The following PCDH11X variants were observed in gnomAD, a reference collection of about 807,000 sequenced individuals.
PCDH11X encodes the protein protocadherin-11 X-linked.
A neutral mutation model predicts 53.3 loss-of-function variants in PCDH11X; 18 were observed. The observed-to-expected ratio is 0.34, with a 90% confidence interval of 0.23 to 0.50. The LOEUF (loss-of-function observed/expected upper bound fraction) is 0.50. Among genes scored for constraint, PCDH11X ranks in the 20% least tolerant of loss-of-function variants. PCDH11X has a pLI of 0.98. For missense variants in PCDH11X, 570 were observed against 1,032.4 expected (o/e 0.55, Z 6.14); for synonymous variants, 279 against 393.3 (o/e 0.71, Z 3.44).
intron 1 of PCDH11X, among the ~76,000 whole-genome samples, chrX:91,797,929 A>G (rs1935793282): frequency 8.9e-6 from 1 of 112,208 alleles, no homozygotes; most frequent in African/African-American, 3.2e-5. Context: ...CAAATGCAGT[A>G]CAAACAAAAA....
intron 6 of PCDH11X, among the ~76,000 whole-genome samples, chrX:91,974,430 G>A (rs1234970255): frequency 8.9e-6 from 1 of 111,824 alleles, no homozygotes; most frequent in African/African-American, 3.3e-5. Context: ...TGAGAAGGTA[G>A]AATATGGAGC....
chrX:91,871,902 T>A (rs1290933890), intron 5 of PCDH11X, among the ~76,000 whole-genome samples: 17 of 111,156 alleles, frequency 1.5e-4, no homozygotes, highest in Non-Finnish European at 2.7e-4. Context: ...ATGAAGGTTA[T>A]TAGGATGAGG....
chrX:92,167,796 A>G (rs906238818), intron 6 of PCDH11X, among the ~76,000 whole-genome samples: 1 of 111,589 alleles, frequency 9.0e-6, no homozygotes, highest in Non-Finnish European at 1.9e-5. Context: ...TCAACATTAT[A>G]AATGTATTTT....
At chrX:92,418,379 G>C (rs2071870104) in intron 9 of PCDH11X, among the ~76,000 whole-genome samples, 1 of 110,938 alleles carries the variant, frequency 9.0e-6, no homozygotes, top group South Asian at 3.8e-4. Flanking sequence ...GGCAACAGCA[G>C]ATATTCTTGA....
chrX:92,496,551 T>G (rs1412578309), intron 10 of PCDH11X, among the ~76,000 whole-genome samples: 2 of 102,626 alleles, frequency 1.9e-5, no homozygotes, highest in Non-Finnish European at 3.9e-5. Context: ...GAGATGTATA[T>G]CCTTTGACTT....
chrX:92,124,746 T>C (rs1033780683), intron 6 of PCDH11X, among the ~76,000 whole-genome samples: 1 of 110,290 alleles, frequency 9.1e-6, no homozygotes, highest in African/African-American at 3.3e-5. Context: ...TTTTTCATGT[T>C]GTAAAACAAT....
intron 7 of PCDH11X, among the ~76,000 whole-genome samples, chrX:92,233,984 G>T (rs2067127217): frequency 1.8e-5 from 2 of 111,799 alleles, no homozygotes; most frequent in Admixed American, 9.6e-5. Flanking sequence ...TTAGCAGCTT[G>T]ACTTTCACAG....
At chrX:91,997,339 T>C (rs920868806) in intron 6 of PCDH11X, among the ~76,000 whole-genome samples, 2 of 111,244 alleles carry the variant, frequency 1.8e-5, no homozygotes, top group Non-Finnish European at 3.8e-5. Context: ...AATAGAATGT[T>C]AGCTGTGGGT....
rs969618648 is a variant in PCDH11X, at chrX:92,558,415, A to G, written c.3368-59849A>G. 5.4e-5 allele frequency among the ~76,000 whole-genome samples: 6 copies of G among 111,788 alleles called. 1 individual carries two copies. The highest frequency in any genetic ancestry group is 2.0e-4 in the African/African-American group (6 of 30,724). ...TACTAATAGCATAATATAAAAGAAT[A>G]TATCAAATAATGTTTAAACTCTCTG... On this transcript the variant is annotated intron_variant, in intron 10 of 10. Coordinates refer to ENST00000682573, the MANE Select transcript of PCDH11X (RefSeq NM_032968.5).
chrX:92,103,147 C>T (rs993514673), intron 6 of PCDH11X, among the ~76,000 whole-genome samples: 6 of 109,991 alleles, frequency 5.5e-5, no homozygotes, highest in South Asian at 7.9e-4. Context: ...GGGAGAAGGG[C>T]GGCAATGAGA....
At chrX:92,351,716 C>T (rs1169163295) in intron 8 of PCDH11X, among the ~76,000 whole-genome samples, 1 of 111,582 alleles carries the variant, frequency 9.0e-6, no homozygotes, top group Admixed American at 9.6e-5. Context: ...TAGCTCACTT[C>T]ATAATTCTCT....
At chrX:92,207,180 T>A (rs1461697044) in intron 7 of PCDH11X, among the ~76,000 whole-genome samples, 6 of 111,639 alleles carry the variant, frequency 5.4e-5, no homozygotes, top group Non-Finnish European at 9.4e-5. Context: ...ACCAAAAACA[T>A]TCACTGCAGC....
chrX:92,495,859 A>T (rs2073852669), intron 10 of PCDH11X, among the ~76,000 whole-genome samples: 1 of 106,404 alleles, frequency 9.4e-6, no homozygotes, highest in Non-Finnish European at 1.9e-5. Context: ...TATGGGGGAA[A>T]CTGCCCACAT....
At chrX:92,386,051 G>A (rs2071005603) in intron 8 of PCDH11X, among the ~76,000 whole-genome samples, 1 of 111,660 alleles carries the variant, frequency 9.0e-6, no homozygotes, top group Non-Finnish European at 1.9e-5. Flanking sequence ...TTTCTCATTA[G>A]AAGAAGTAAT....
chrX:92,508,450 T>C (rs748695500), intron 10 of PCDH11X, among the ~76,000 whole-genome samples: 1 of 109,662 alleles, frequency 9.1e-6, no homozygotes, highest in South Asian at 4.0e-4. Flanking sequence ...CTCGATTTCC[T>C]GACCTCGTGA....
intron 9 of PCDH11X, among the ~76,000 whole-genome samples, chrX:92,428,385 A>C (rs1381241696): frequency 9.0e-6 from 1 of 111,260 alleles, no homozygotes. Flanking sequence ...CTTGAAGATA[A>C]TAGAGTAAGG....
chrX:92,501,012 A>G (rs2148695390), intron 10 of PCDH11X, among the ~76,000 whole-genome samples: 1 of 111,348 alleles, frequency 9.0e-6, no homozygotes, highest in East Asian at 2.8e-4. Context: ...AAGAATAATC[A>G]AATAAACACA....
At chrX:92,202,886 G>A (rs1603168406) in intron 7 of PCDH11X, among the ~76,000 whole-genome samples, 1 of 110,917 alleles carries the variant, frequency 9.0e-6, no homozygotes, top group African/African-American at 3.3e-5. Context: ...AGCCGGGCAT[G>A]GTGGCAGGCA....
intron 6 of PCDH11X, among the ~76,000 whole-genome samples, chrX:92,111,624 T>C (rs1358302399): frequency 6.0e-4 from 67 of 111,440 alleles, no homozygotes; most frequent in Non-Finnish European, 1.7e-4. Flanking sequence ...CCGTAGAAGA[T>C]ATAGTCCAAT....
Sources: gnomAD v4.1 joint callset for allele counts (sites outside exome capture counted in the v4.1 genomes callset) on GRCh38, gnomAD v4.1.1 for gene constraint, MANE v1.5 for transcripts, NCBI Gene and HGNC (gene_info 2026-07-23, HGNC 2026-07-21) for gene names.